DNAH6: variants seen among roughly 807,000 people sequenced by gnomAD.
DNAH6 encodes the protein dynein axonemal heavy chain 6, also known as axonemal beta dynein heavy chain 6.
DNAH6 carries 340 observed loss-of-function variants against 491.4 expected under a neutral mutation model. The observed-to-expected ratio is 0.69, with a 90% CI of 0.63 to 0.76. DNAH6 has a LOEUF of 0.76. Among genes scored for constraint, DNAH6 ranks in the 30% least tolerant of loss-of-function variants. DNAH6 has a pLI of 0.00. For missense variants in DNAH6, 4,443 were observed against 4,972.2 expected, an observed-to-expected ratio of 0.89 and a Z score of 3.20; for synonymous variants, 1,603 against 1,686.1, an observed-to-expected ratio of 0.95 and a Z score of 1.21.
At chr2:84,506,228 G>A in the DNAH6 span, among the ~76,000 whole-genome samples, 9 of 152,172 alleles carry the variant, frequency 5.9e-5, no homozygotes, top group Non-Finnish European at 1.3e-4. Context: ...TCCAGCACCT[G>A]TTGTTTCCTG....
chr2:84,677,037 A>G lies in DNAH6; in HGVS notation c.6645A>G (p.Pro2215=), dbSNP rs754612980. ...DVTIISACAP[P]GGGRNPVTPR... is the part of the protein sequence containing the mutation. ...CAATCATATCGGCATGTGCACCTCCAGGCGGTGGCCGCAACCCTGTGACTC... is the reference window on the plus strand; with the variant it reads ...CAATCATATCGGCATGTGCACCTCCGGGCGGTGGCCGCAACCCTGTGACTC... Residue 2215 remains proline (P), a synonymous_variant, in exon 41 of 77, where the codon CCA becomes CCG. Transcript: ENST00000389394. 1 of 1,551,774 alleles carries G rather than the reference A, an allele frequency of 6.4e-7. No homozygotes were observed. Among genetic ancestry groups the G allele is most frequent in the Non-Finnish European group, 8.7e-7 (1 of 1,146,978 alleles).
intron 39 of DNAH6, 61 bp from the exon 40 acceptor site, chr2:84,672,266 T>G: frequency 6.7e-7 from 1 of 1,498,172 alleles, no homozygotes; most frequent in Non-Finnish European, 9.0e-7. Flanking sequence ...ACCCTAGCTT[T>G]GTCTTACATT....
intron 62 of DNAH6, among the ~76,000 whole-genome samples, chr2:84,740,056 T>C (rs1672365891): frequency 6.6e-6 from 1 of 152,018 alleles, no homozygotes; most frequent in Admixed American, 6.6e-5. Context: ...TTGGGGCTTC[T>C]TGTTTATTCG....
At chr2:84,718,778 G>A (rs1221687141) in intron 59 of DNAH6, among the ~76,000 whole-genome samples, 3 of 152,172 alleles carry the variant, frequency 2.0e-5, no homozygotes, top group Non-Finnish European at 4.4e-5. Context: ...TACAGCACTT[G>A]ACACTGTTTA....
At chr2:84,496,855 A>C in the DNAH6 span, among the ~76,000 whole-genome samples, 2 of 152,108 alleles carry the variant, frequency 1.3e-5, no homozygotes, top group Non-Finnish European at 2.9e-5. Flanking sequence ...TCCCCTTGCC[A>C]GTTAATCTCC....
rs910997015 is a variant in DNAH6, at chr2:84,681,536, A to G, written c.6916+8A>G. ...TATCCAAATGTGTGCAAGGTAGTGTACTGAACCCTCGTTTTCTGATCTGCA... is the reference window on the plus strand; with the variant it reads ...TATCCAAATGTGTGCAAGGTAGTGTGCTGAACCCTCGTTTTCTGATCTGCA... On this transcript the variant is annotated splice_region_variant and intron_variant, in intron 42 of 76. Coordinates refer to ENST00000389394, the MANE Select transcript of DNAH6 (RefSeq NM_001370.2). 6.6e-7 allele frequency: 1 copy of G among 1,512,276 alleles called. No individual in the cohort carries two copies. The highest frequency in any genetic ancestry group is 1.4e-5 in the African/African-American group (1 of 71,344). 93.7% of individuals were successfully genotyped at this position (1,512,276 alleles called of 1,614,324 possible).
intron 2 of DNAH6, among the ~76,000 whole-genome samples, chr2:84,525,287 T>A (rs575679135): frequency 2.0e-5 from 3 of 152,172 alleles, no homozygotes; most frequent in Admixed American, 2.0e-4. Flanking sequence ...AGTATATGAT[T>A]TCATACTTCT....
the DNAH6 span, among the ~76,000 whole-genome samples, chr2:84,493,832 CA>C: frequency 6.6e-6 from 1 of 152,116 alleles, no homozygotes; most frequent in Non-Finnish European, 1.5e-5. Context: ...ATGCTGATAT[CA>C]AATATTCTAA....
intron 45 of DNAH6, among the ~76,000 whole-genome samples, chr2:84,689,246 C>G (rs563581729): frequency 2.8e-4 from 43 of 152,320 alleles, no homozygotes; most frequent in African/African-American, 1.0e-3. Context: ...TGATATGGAG[C>G]ATCTCATTTA....
chr2:84,605,701 T>G (rs115149495), intron 20 of DNAH6, 109 bp downstream of exon 20: 14 of 660,666 alleles, frequency 2.1e-5, no homozygotes, highest in Non-Finnish European at 3.0e-5. Context: ...AGTCACTTAA[T>G]AAGAAAAATC....
At position 84,658,373 on chromosome 2, in the gene DNAH6, T is replaced by C; in HGVS notation, c.5839T>C (p.Cys1947Arg). ...AGGTTTACATTTTATCAATAAAAAG[T>C]GCAGCCAAGCAATTCCACAAGTGGA... ...DEGLHFINKK[C>R]SQAIPQVDIS... Residue 1947 changes from cysteine to arginine, a missense_variant, in exon 36 of 77, where the codon TGC (cysteine) becomes CGC (arginine). Physicochemically the swap from Cys to Arg is radical, Grantham distance 180. Coordinates refer to ENST00000389394, the MANE Select transcript of DNAH6 (RefSeq NM_001370.2). The C allele has an allele frequency of 6.5e-7, 1 of 1,549,334 alleles. No individual in the cohort carries two copies.
rs1359918362 is a variant in DNAH6, at chr2:84,677,014, A to G, written c.6622A>G (p.Ile2208Val). Residue 2208 changes from isoleucine to valine, a missense_variant, in exon 41 of 77, where the codon ATC becomes GTC. Around this residue, in one of 3 missense-constraint regions of DNAH6, gnomAD observed 2,977 missense variants for 3,296.6 expected, o/e 0.90. Coordinates refer to ENST00000389394, the MANE Select transcript of DNAH6 (RefSeq NM_001370.2). The stretch of plus-strand genomic sequence containing the variant: ...ATTTCTCTGCACACAGGATGTAACA[A>G]TCATATCGGCATGTGCACCTCCAGG... The part of the protein sequence containing the change: ...LFWKEIQDVT[I>V]ISACAPPGGG... 1.9e-6 allele frequency: 3 copies of G among 1,551,816 alleles called. No individual in the cohort carries two copies. The highest frequency in any genetic ancestry group is 2.6e-6 in the Non-Finnish European group (3 of 1,146,998).
chr2:84,726,258 TC>T (rs1181589585), intron 60 of DNAH6, among the ~76,000 whole-genome samples: 2 of 152,118 alleles, frequency 1.3e-5, no homozygotes, highest in Non-Finnish European at 1.5e-5. Flanking sequence ...GAACAATATA[TC>T]TTGATCCCAG....
chr2:84,626,185 T>A (rs1235182446), intron 29 of DNAH6, among the ~76,000 whole-genome samples: 1 of 152,144 alleles, frequency 6.6e-6, no homozygotes, highest in African/African-American at 2.4e-5. Context: ...ATTTAAACTG[T>A]AAAAACATAC....
At chr2:84,539,548 T>C (rs1473886839) in intron 4 of DNAH6, among the ~76,000 whole-genome samples, 1 of 152,098 alleles carries the variant, frequency 6.6e-6, no homozygotes, top group Non-Finnish European at 1.5e-5. Flanking sequence ...ACCAGTTGAT[T>C]CTAAGATTCA....
intron 29 of DNAH6, among the ~76,000 whole-genome samples, chr2:84,633,280 A>T (rs1688575240): frequency 6.6e-6 from 1 of 152,080 alleles, no homozygotes; most frequent in Admixed American, 6.6e-5. Flanking sequence ...TCCCAAGCCT[A>T]ATATCGTCTC....
At chr2:84,668,674 C>A (rs1311651678) in intron 37 of DNAH6, among the ~76,000 whole-genome samples, 1 of 152,132 alleles carries the variant, frequency 6.6e-6, no homozygotes, top group Non-Finnish European at 1.5e-5. Flanking sequence ...CTTTCCCACC[C>A]CATGCCATCC....
At chr2:84,725,705 T>C (rs182631022) in intron 60 of DNAH6, among the ~76,000 whole-genome samples, 1 of 152,332 alleles carries the variant, frequency 6.6e-6, no homozygotes, top group African/African-American at 2.4e-5. Flanking sequence ...TTTTACAGAT[T>C]AGAAGGGAAA....
intron 62 of DNAH6, among the ~76,000 whole-genome samples, chr2:84,738,981 G>T (rs1205563124): frequency 6.6e-6 from 1 of 152,066 alleles, no homozygotes; most frequent in African/African-American, 2.4e-5. Flanking sequence ...TTATTCTTTT[G>T]TTTCCACATT....
Sources: allele counts gnomAD v4.1 joint callset (sites outside exome capture counted in the v4.1 genomes callset), GRCh38; gene constraint gnomAD v4.1.1; regional missense constraint gnomAD v4.1.1; transcripts MANE v1.5; gene names NCBI Gene and HGNC (gene_info 2026-07-23, HGNC 2026-07-21).